The following CUX1 variants were observed in gnomAD, a reference collection of about 807,000 sequenced individuals.
The protein encoded by CUX1 is cut like homeobox 1.
CUX1 carries 31 observed loss-of-function variants against 158.8 expected under a neutral mutation model. That is an observed-to-expected ratio of 0.20 (90% CI 0.15 to 0.26). The LOEUF is 0.26. Ranked by LOEUF, CUX1 falls within the 10% of genes least tolerant of loss-of-function variation. The probability of loss-of-function intolerance (pLI) is 1.00; values close to 1 mark genes in which losing one functional copy is unlikely to be tolerated. For synonymous variants in CUX1, 879 were observed against 862.1 expected, an observed-to-expected ratio of 1.02 and a Z score of -0.34; for missense variants, 1,589 against 2,014.6, an observed-to-expected ratio of 0.79 and a Z score of 4.04.
chr7:101,898,811 G>A (rs1478355613), intron 1 of CUX1, among the ~76,000 whole-genome samples: 3 of 152,080 alleles, frequency 2.0e-5, no homozygotes, highest in African/African-American at 2.4e-5. Context: ...GGCCAGTCTC[G>A]AACTCCTGAC....
At chr7:102,177,932 G>A (rs1261513418) in intron 10 of CUX1, among the ~76,000 whole-genome samples, 1 of 151,784 alleles carries the variant, frequency 6.6e-6, no homozygotes, top group East Asian at 1.9e-4. Flanking sequence ...TCATTCCTTT[G>A]CCCAGGCTGA....
chr7:101,968,741 T>C (rs1006295450), intron 2 of CUX1, among the ~76,000 whole-genome samples: 3 of 152,234 alleles, frequency 2.0e-5, no homozygotes, highest in South Asian at 2.1e-4. Context: ...CTAGAATTCT[T>C]CAGCCTTCTC....
chr7:102,023,998 T>C (rs1022239709), intron 2 of CUX1, among the ~76,000 whole-genome samples: 1 of 152,222 alleles, frequency 6.6e-6, no homozygotes, highest in African/African-American at 2.4e-5. Flanking sequence ...ATAAAAGGCA[T>C]AGCCCTTCTG....
At chr7:101,936,723 A>G (rs727544) in intron 2 of CUX1, among the ~76,000 whole-genome samples, 127,971 of 152,070 alleles carry the variant, frequency 0.84, 54,186 homozygotes, top group African/African-American at 0.89. Flanking sequence ...CAGCCCTGCC[A>G]TCCCCACCGG....
rs1447294215 is a variant in CUX1 at position 101,869,775 on chromosome 7, G to A, written c.31-46340G>A. On this transcript the variant is annotated intron_variant, in intron 1 of 23. Coordinates refer to ENST00000292535, the MANE Select transcript of CUX1 (RefSeq NM_181552.4). This position sits in a 1 kb window ranked among gnomAD's most constrained non-coding sequence, Gnocchi z 4.5. ...GCAGGGGAGGCGCAGGGGAGGCCAG[G>A]CTCTGGCATTTCCCAGGAATGTAAA... Among the ~76,000 whole-genome samples the A allele has an allele frequency of 6.6e-6, 1 of 152,174 alleles. No individual in the cohort carries two copies. Among genetic ancestry groups the A allele is most frequent in the Non-Finnish European group, 1.5e-5 (1 of 68,024 alleles).
intron 1 of CUX1, among the ~76,000 whole-genome samples, chr7:101,858,866 A>G (rs1797156058): frequency 6.6e-6 from 1 of 151,994 alleles, no homozygotes; most frequent in Non-Finnish European, 1.5e-5. Flanking sequence ...AGGTTTCGCC[A>G]TGTTGGCCAG....
chr7:102,280,844 AG>A lies in CUX1; in HGVS notation c.1807del (p.Ala603ProfsTer84). ...TACCTGAGCTTGAGTCCCTGGGACA[AG>A]GCCACCCTCAGCATGGTGAGTCCCT... is the stretch of plus-strand genomic sequence containing the variant. On this transcript the variant is annotated frameshift_variant, in exon 20 of 23. Coordinates refer to the CUX1 transcript ENST00000292538. LOFTEE classifies it high-confidence loss of function. 6.2e-7 allele frequency: 1 copy of A among 1,612,652 alleles called. No homozygotes were observed. Among genetic ancestry groups the A allele is most frequent in the Non-Finnish European group, 8.5e-7 (1 of 1,179,932 alleles).
At chr7:102,002,405 C>T (rs1367874678) in intron 2 of CUX1, among the ~76,000 whole-genome samples, 1 of 152,246 alleles carries the variant, frequency 6.6e-6, no homozygotes, top group Non-Finnish European at 1.5e-5. Flanking sequence ...TCACTCCCTT[C>T]TTGCGTGGAT....
At chr7:101,839,380 G>A (rs113459598) in intron 1 of CUX1, among the ~76,000 whole-genome samples, 46 of 152,276 alleles carry the variant, frequency 3.0e-4, no homozygotes, top group African/African-American at 1.0e-3. Context: ...AGCCTTGCTG[G>A]ATCCAGCCAG....
Position 102,252,508 on chromosome 7 carries a change from GCTT to G in CUX1, c.*3470_*3472del. 1 of 985,442 alleles carries G rather than the reference GCTT, an allele frequency of 1.0e-6. No individual in the cohort carries two copies. The highest frequency in any genetic ancestry group is 1.2e-6 in the Non-Finnish European group (1 of 829,948). The allele number at this position is 985,442 out of a possible 1,614,324, so 61.0% of individuals were successfully genotyped here. On this transcript the variant is annotated 3_prime_UTR_variant, in exon 24 of 24. Transcript: ENST00000292535. The stretch of plus-strand genomic sequence containing the variant: ...AAGCTCCATTATGCCATTTTAAATG[GCTT>G]CTTTTTGTTAATTGGAGGCATTGTT...
chr7:102,134,129 TG>T (rs1351333823), intron 8 of CUX1, among the ~76,000 whole-genome samples: 1 of 152,106 alleles, frequency 6.6e-6, no homozygotes, highest in African/African-American at 2.4e-5. Context: ...TGAGGTCAGG[TG>T]TTCGAGGCCA....
At chr7:101,977,773 A>AAAT (rs899635426) in intron 2 of CUX1, among the ~76,000 whole-genome samples, 3 of 152,150 alleles carry the variant, frequency 2.0e-5, no homozygotes, top group Non-Finnish European at 4.4e-5. Flanking sequence ...TCTGCTCAAA[A>AAAT]AATAATAATA....
At chr7:102,041,256 CTTTTTTTTTTTTTT>C (rs11427183) in intron 3 of CUX1, among the ~76,000 whole-genome samples, 50 of 69,918 alleles carry the variant, frequency 7.2e-4, no homozygotes, top group African/African-American at 2.3e-3. Flanking sequence ...CTTATCCATT[CTTTTTTTTTTTTTT>C]TTTTTTTTTT....
At chr7:102,116,593 G>T (rs1002045380) in intron 8 of CUX1, among the ~76,000 whole-genome samples, 5 of 152,118 alleles carry the variant, frequency 3.3e-5, no homozygotes, top group Admixed American at 3.3e-4. Context: ...GCAGTGAGCT[G>T]TGATCGTACC....
intron 8 of CUX1, among the ~76,000 whole-genome samples, chr7:102,146,923 T>A (rs1835082455): frequency 1.3e-5 from 2 of 152,100 alleles, no homozygotes; most frequent in Non-Finnish European, 2.9e-5. Flanking sequence ...ATCATTACTT[T>A]TGTATCATTT....
intron 2 of CUX1, chr7:101,960,102 G>C (rs1249578069): frequency 6.6e-6 from 1 of 152,090 alleles, no homozygotes; most frequent in African/African-American, 2.4e-5. Context: ...TTTCATCCTC[G>C]ACCCAGTGAC....
At chr7:101,943,598 G>A (rs942864506) in intron 2 of CUX1, among the ~76,000 whole-genome samples, 23 of 151,782 alleles carry the variant, frequency 1.5e-4, no homozygotes, top group Admixed American at 3.3e-4. Flanking sequence ...AGAGGGGCCC[G>A]GCTTACATAC....
chr7:102,187,622 A>G (rs1793772140), intron 11 of CUX1, among the ~76,000 whole-genome samples: 2 of 151,188 alleles, frequency 1.3e-5, no homozygotes, highest in South Asian at 4.2e-4. Context: ...TTCTCTGGAT[A>G]TGACCACGTT....
intron 2 of CUX1, among the ~76,000 whole-genome samples, chr7:102,016,805 T>G (rs1444049772): frequency 6.6e-6 from 1 of 152,220 alleles, no homozygotes; most frequent in Non-Finnish European, 1.5e-5. Flanking sequence ...CTGAAAGTAC[T>G]AAGAGGAAGG....
Sources: gnomAD v4.1 joint callset for allele counts (sites outside exome capture counted in the v4.1 genomes callset) on GRCh38, gnomAD v4.1.1 for gene constraint, Gnocchi (gnomAD v3.1) non-coding constraint, MANE v1.5 for transcripts, NCBI Gene and HGNC (gene_info 2026-07-23, HGNC 2026-07-21) for gene names.